Variants in SPSB4 observed in about 807,000 individuals in gnomAD.
SPSB4 encodes splA/ryanodine receptor domain and SOCS box containing 4, also known as SPRY domain-containing SOCS box protein 4.
A neutral mutation model predicts 20.9 loss-of-function variants in SPSB4; 21 were observed. The ratio of observed to expected loss-of-function variants is 1.01; its 90% CI spans 0.71 to 1.45. SPSB4 has a LOEUF of 1.45. Ranked by LOEUF, SPSB4 falls within the 40% of genes most tolerant of loss-of-function variation. The pLI, the probability that SPSB4 is intolerant of heterozygous loss-of-function variation, is 0.00. For synonymous variants in SPSB4, 207 were observed against 183.8 expected, an observed-to-expected ratio of 1.13 and a Z score of -1.02; for missense variants, 399 against 399.2, an observed-to-expected ratio of 1.00 and a Z score of 0.00.
chr3:141,130,046 A>T (rs1180326462), intron 2 of SPSB4, among the ~76,000 whole-genome samples: 1 of 152,228 alleles, frequency 6.6e-6, no homozygotes, highest in Non-Finnish European at 1.5e-5. Context: ...AAAACGCTCC[A>T]AATTCCAAAT....
chr3:141,061,925 G>A (rs891609236), intron 1 of SPSB4, among the ~76,000 whole-genome samples: 3 of 152,002 alleles, frequency 2.0e-5, no homozygotes, highest in African/African-American at 4.8e-5. Context: ...AGTAGAGACA[G>A]CATTTCACCA....
intron 2 of SPSB4, among the ~76,000 whole-genome samples, chr3:141,096,333 C>T (rs963701256): frequency 6.6e-6 from 1 of 152,218 alleles, no homozygotes; most frequent in African/African-American, 2.4e-5. Flanking sequence ...GTAGGACCCT[C>T]ACCTCCCATC....
intron 2 of SPSB4, among the ~76,000 whole-genome samples, chr3:141,095,697 A>G (rs1260923671): frequency 1.3e-5 from 2 of 152,144 alleles, no homozygotes; most frequent in Non-Finnish European, 2.9e-5. Flanking sequence ...AATCTATCCC[A>G]GTGCTTTCTG....
intron 2 of SPSB4, among the ~76,000 whole-genome samples, chr3:141,136,771 C>T (rs1391199924): frequency 3.3e-5 from 5 of 152,228 alleles, no homozygotes; most frequent in Non-Finnish European, 5.9e-5. Context: ...AGTGAGGTAG[C>T]GTGATGCCTC....
intron 2 of SPSB4, among the ~76,000 whole-genome samples, chr3:141,111,464 A>T (rs1030684174): frequency 7.0e-5 from 10 of 142,970 alleles, no homozygotes; most frequent in Non-Finnish European, 4.5e-5. Context: ...AATTCTGAGC[A>T]CAGGGCCCAG....
Position 141,066,257 on chromosome 3 carries a change from G to C in SPSB4, c.153G>C (p.Gln51His). 1 of 1,542,980 alleles carries C rather than the reference G, an allele frequency of 6.5e-7. No homozygotes were observed. Among genetic ancestry groups the C allele is most frequent in the Non-Finnish European group, 8.7e-7 (1 of 1,145,380 alleles). The change falls in exon 2 of 3, where the codon CAG (glutamine) becomes CAC (histidine). Residue 51 changes from glutamine to histidine, a missense_variant. Physicochemically the swap from Gln to His is conservative, Grantham distance 24. Transcript: ENST00000310546. ...LDMPAAGLAV[Q>H]LRHAWNPEDR... ...TGCCAGCGGCGGGGCTGGCTGTGCAGCTGCGGCACGCGTGGAACCCCGAGG... is the reference window on the plus strand; with the variant it reads ...TGCCAGCGGCGGGGCTGGCTGTGCACCTGCGGCACGCGTGGAACCCCGAGG...
chr3:141,099,499 T>A (rs1938587223), intron 2 of SPSB4, among the ~76,000 whole-genome samples: 1 of 152,248 alleles, frequency 6.6e-6, no homozygotes, highest in African/African-American at 2.4e-5. Flanking sequence ...TTACCACCCA[T>A]GTTATTTATA....
At position 141,147,361 on chromosome 3, in the gene SPSB4, T is replaced by A. The variant is rs560392319; in HGVS notation, c.*92T>A. On this transcript the variant is annotated 3_prime_UTR_variant, in exon 3 of 3. Coordinates refer to ENST00000310546, the MANE Select transcript of SPSB4 (RefSeq NM_080862.3). ...GTCCCATGGCACATAGGGGAAAGGA[T>A]CTACCCTTCTCCTGGCTCCCCAGGA... 30 of 1,562,056 alleles carry A rather than the reference T, an allele frequency of 1.9e-5. No individual in the cohort carries two copies. In the African/African-American group the frequency reaches 3.6e-4, roughly 19 times the overall value.
chr3:141,126,640 G>A (rs983205728), intron 2 of SPSB4, among the ~76,000 whole-genome samples: 1 of 152,120 alleles, frequency 6.6e-6, no homozygotes, highest in Non-Finnish European at 1.5e-5. Flanking sequence ...ACCAAATATC[G>A]ATGGCATCTG....
rs145139781 is a variant in SPSB4, at chr3:141,072,959, A to G, written c.694+6161A>G. Among the ~76,000 whole-genome samples, 42 of 152,306 alleles carry G rather than the reference A, an allele frequency of 2.8e-4. No individual in the cohort carries two copies. The East Asian group carries it at 8.1e-3, about 29-fold the overall frequency. On this transcript the variant is annotated intron_variant, in intron 2 of 2. Coordinates refer to ENST00000310546, the MANE Select transcript of SPSB4 (RefSeq NM_080862.3). ...TGGACCTTGGCAGTTATCTACTATC[A>G]GTTAATGTAGAGCTGCTTCATTCTT...
chr3:141,063,046 A>T (rs1170887712), intron 1 of SPSB4, among the ~76,000 whole-genome samples: 2 of 152,120 alleles, frequency 1.3e-5, no homozygotes, highest in East Asian at 1.9e-4. Context: ...TTTGCTCTGA[A>T]TTTTGGTGCT....
chr3:141,121,293 A>T (rs991375736), intron 2 of SPSB4, among the ~76,000 whole-genome samples: 25 of 152,184 alleles, frequency 1.6e-4, no homozygotes, highest in African/African-American at 5.8e-4. Context: ...TGTTAGTCTG[A>T]TGGGCTTCCC....
At chr3:141,094,088 T>C (rs1490765436) in intron 2 of SPSB4, among the ~76,000 whole-genome samples, 1 of 152,180 alleles carries the variant, frequency 6.6e-6, no homozygotes, top group Non-Finnish European at 1.5e-5. Context: ...GCTTGCTGTA[T>C]CTCTACAGCA....
Position 141,137,427 on chromosome 3 carries a change from A to G in SPSB4, c.695-9715A>G, listed in dbSNP as rs533919673. ...TGTCTTGTGCCAGTTTTCAAAGGGAATGCTTCCAGTTTTTGCCCATTCGGT... is the reference window on the plus strand; with the variant it reads ...TGTCTTGTGCCAGTTTTCAAAGGGAGTGCTTCCAGTTTTTGCCCATTCGGT... On this transcript the variant is annotated intron_variant, in intron 2 of 2. Coordinates refer to ENST00000310546, the MANE Select transcript of SPSB4 (RefSeq NM_080862.3). Among the ~76,000 whole-genome samples, 10 of 152,278 alleles carry G rather than the reference A, an allele frequency of 6.6e-5. No homozygotes were observed. The South Asian group carries it at 2.1e-3, about 32-fold the overall frequency.
intron 2 of SPSB4, among the ~76,000 whole-genome samples, chr3:141,130,310 G>A (rs955106517): frequency 3.9e-5 from 6 of 152,190 alleles, no homozygotes; most frequent in Admixed American, 3.3e-4. Flanking sequence ...GGTGTTCTAG[G>A]AAAAAGGAGC....
rs1006233210 is a variant in SPSB4, at chr3:141,053,593, G to A, written c.-154+1601G>A. ...ACAACAGGCTCATCTCTTTAAATATGTAAGAGATTCCTGAGGTCAACAAAC... is the reference window on the plus strand; with the variant it reads ...ACAACAGGCTCATCTCTTTAAATATATAAGAGATTCCTGAGGTCAACAAAC... On this transcript the variant is annotated intron_variant, in intron 1 of 2. Coordinates refer to ENST00000310546, the MANE Select transcript of SPSB4 (RefSeq NM_080862.3). Among the ~76,000 whole-genome samples the A allele has an allele frequency of 2.0e-5, 3 of 152,096 alleles. No individual in the cohort carries two copies. The East Asian group carries it at 5.8e-4, about 29-fold the overall frequency.
At chr3:141,080,578 C>T (rs1938212125) in intron 2 of SPSB4, among the ~76,000 whole-genome samples, 1 of 152,220 alleles carries the variant, frequency 6.6e-6, no homozygotes, top group African/African-American at 2.4e-5. Context: ...CTTGGCTGGA[C>T]CCTGGGAAGG....
At chr3:141,131,885 C>A (rs1165110681) in intron 2 of SPSB4, among the ~76,000 whole-genome samples, 2 of 152,144 alleles carry the variant, frequency 1.3e-5, no homozygotes, top group Non-Finnish European at 2.9e-5. Context: ...GGCTAGTTTT[C>A]CAAAGTGGTT....
At chr3:141,140,660 G>T (rs1012104550) in intron 2 of SPSB4, among the ~76,000 whole-genome samples, 1 of 152,192 alleles carries the variant, frequency 6.6e-6, no homozygotes, top group African/African-American at 2.4e-5. Flanking sequence ...TTGGTGAACC[G>T]CAAATGCTGC....
Sources: gnomAD v4.1 joint callset for allele counts (sites outside exome capture counted in the v4.1 genomes callset) on GRCh38, gnomAD v4.1.1 for gene constraint, MANE v1.5 for transcripts, NCBI Gene and HGNC (gene_info 2026-07-23, HGNC 2026-07-21) for gene names.